CLOCK: variants seen among roughly 807,000 people sequenced by gnomAD.
CLOCK encodes circadian locomoter output cycles protein kaput.
A neutral mutation model predicts 118.4 loss-of-function variants in CLOCK; 43 were observed. That is an observed-to-expected ratio of 0.36 (90% CI 0.28 to 0.47). The LOEUF (loss-of-function observed/expected upper bound fraction) is 0.47, where lower values mean the gene tolerates loss of function less well. Among genes scored for constraint, CLOCK ranks in the 20% least tolerant of loss-of-function variants. CLOCK has a pLI of 1.00. For synonymous variants in CLOCK, 326 were observed against 339.2 expected, an observed-to-expected ratio of 0.96 and a Z score of 0.43; for missense variants, 846 against 999.9, an observed-to-expected ratio of 0.85 and a Z score of 2.08.
At chr4:55,449,541 T>A (rs770681108) in intron 16 of CLOCK, 45 bp from the exon 17 acceptor site, 2 of 1,472,634 alleles carry the variant, frequency 1.4e-6, no homozygotes, top group South Asian at 2.3e-5. Flanking sequence ...TTATAAAATA[T>A]AGTTTTTAAA....
chr4:55,523,151 T>A (rs1308625582), intron 1 of CLOCK, among the ~76,000 whole-genome samples: 1 of 139,072 alleles, frequency 7.2e-6, no homozygotes, highest in Non-Finnish European at 1.6e-5. Flanking sequence ...AAAAAAAAAA[T>A]TAGCTAGGCA....
intron 21 of CLOCK, among the ~76,000 whole-genome samples, 200 bp from the exon 22 acceptor site, chr4:55,438,737 A>G (rs1337730263): frequency 6.6e-6 from 1 of 152,254 alleles, no homozygotes; most frequent in Non-Finnish European, 1.5e-5. Flanking sequence ...ATACAGCAAG[A>G]TCAATGTGTA....
chr4:55,496,764 C>A (rs1399942248), intron 2 of CLOCK, among the ~76,000 whole-genome samples: 2 of 152,232 alleles, frequency 1.3e-5, no homozygotes, highest in East Asian at 3.9e-4. Context: ...CTTTACTGTA[C>A]ACAGACTCCT....
At chr4:55,470,878 G>A in intron 7 of CLOCK, 72 bp from the exon 8 acceptor site, 2 of 1,029,412 alleles carry the variant, frequency 1.9e-6, no homozygotes, top group Non-Finnish European at 3.0e-6. Flanking sequence ...AAAAATTTGA[G>A]ATAAATGACA....
intron 17 of CLOCK, 21 bp from the exon 18 acceptor site, chr4:55,448,889 A>C (rs781393693): frequency 1.9e-6 from 3 of 1,555,964 alleles, no homozygotes; most frequent in Admixed American, 3.3e-5. Flanking sequence ...ATAAAAAATA[A>C]CACTGAAGTG....
At chr4:55,465,782 T>C (rs1725692009) in intron 8 of CLOCK, among the ~76,000 whole-genome samples, 1 of 152,012 alleles carries the variant, frequency 6.6e-6, no homozygotes, top group Non-Finnish European at 1.5e-5. Flanking sequence ...AGAAACCTTG[T>C]CTCTACGAAA....
At position 55,458,949 on chromosome 4, in the gene CLOCK, A is replaced by G. The variant is rs1725108424; in HGVS notation, c.735T>C (p.Tyr245=). ...TAGCTACAAAACAAACTCTATCTTC[A>G]TAAGATGGCCTATGTGTGCGTTGTA... ...GTIQRTHRPS[Y]EDRVCFVATV... The change falls in exon 11 of 23, where the codon TAT becomes TAC. Residue 245 remains tyrosine, a synonymous_variant. Transcript: ENST00000513440. The G allele has an allele frequency of 1.9e-6, 3 of 1,613,870 alleles. No homozygotes were observed. Among genetic ancestry groups the G allele is most frequent in the African/African-American group, 1.3e-5 (1 of 74,934 alleles).
intron 11 of CLOCK, 28 bp downstream of exon 11, chr4:55,458,864 C>T: frequency 6.6e-7 from 1 of 1,519,108 alleles, no homozygotes; most frequent in Non-Finnish European, 9.1e-7. Context: ...ACTGAAATCC[C>T]CTTTGGGAAA....
intron 5 of CLOCK, 173 bp from the exon 6 acceptor site, chr4:55,479,136 GT>G (rs1726741830): frequency 2.0e-6 from 1 of 512,014 alleles, no homozygotes; most frequent in Admixed American, 3.8e-5. Context: ...TTTCAGCTCA[GT>G]TTATTACTAA....
chr4:55,438,402 C>T lies in CLOCK; in HGVS notation c.2241G>A (p.Gln747=), dbSNP rs1723067707. 1.2e-6 allele frequency: 2 copies of T among 1,613,814 alleles called. No homozygotes were observed. Among genetic ancestry groups the T allele is most frequent in the Admixed American group, 3.3e-5 (2 of 59,952 alleles). The change falls in exon 22 of 23, where the codon CAG becomes CAA. Residue 747 remains glutamine, a synonymous_variant. Transcript: ENST00000513440. ...AYPTFATQQQ[Q]SQTLSVTQQQ... is the part of the protein sequence containing the mutation. ...GCTGCGTTACTGACAATGTCTGTGA[C>T]TGTTGCTGTTGTGTAGCAAAAGTAG...
chr4:55,458,849 T>C, intron 11 of CLOCK, 43 bp downstream of exon 11: 2 of 1,397,236 alleles, frequency 1.4e-6, no homozygotes, highest in East Asian at 4.6e-5. Context: ...GCTCTCAGCA[T>C]ATGAACTGAA....
At chr4:55,502,883 C>A (rs1270721429) in intron 2 of CLOCK, among the ~76,000 whole-genome samples, 1 of 152,158 alleles carries the variant, frequency 6.6e-6, no homozygotes, top group Non-Finnish European at 1.5e-5. Flanking sequence ...AAATGGTCAA[C>A]AGGCATTTGA....
In CLOCK at chr4:55,482,676, T is replaced by C. The variant is rs906194411; in HGVS notation, c.47+63A>G. 4.5e-6 allele frequency: 5 copies of C among 1,108,674 alleles called. No individual in the cohort carries two copies. In the African/African-American group the frequency reaches 6.3e-5, roughly 14 times the overall value. The allele number at this position is 1,108,674 out of a possible 1,614,324, so 68.7% of individuals were successfully genotyped here. A position where few individuals can be genotyped will look rare whatever the true frequency, so the allele number is the denominator to read the frequency against. On this transcript the variant is annotated intron_variant, in intron 4 of 22. Coordinates refer to ENST00000513440, the MANE Select transcript of CLOCK (RefSeq NM_004898.4). ...CCTTCTATCAATTTCATATAGACCA[T>C]TATTCTAATAGTGCATTTTAAAATA...
chr4:55,451,282 C>G (rs1724425180), intron 15 of CLOCK, among the ~76,000 whole-genome samples: 1 of 152,142 alleles, frequency 6.6e-6, no homozygotes, highest in East Asian at 1.9e-4. Context: ...CAACACTCAT[C>G]TAAAATTTAA....
chr4:55,454,076 C>G (rs1325198404), intron 13 of CLOCK, among the ~76,000 whole-genome samples: 1 of 152,156 alleles, frequency 6.6e-6, no homozygotes, highest in Admixed American at 6.5e-5. Context: ...ACAATTAATA[C>G]TTAAGAATTC....
intron 1 of CLOCK, among the ~76,000 whole-genome samples, chr4:55,543,970 G>A (rs1260660800): frequency 6.6e-6 from 1 of 152,072 alleles, no homozygotes. Context: ...AATGCCCACA[G>A]CAACTGCAAT....
chr4:55,514,500 T>TCCC (rs34028624), intron 1 of CLOCK, among the ~76,000 whole-genome samples: 6 of 147,472 alleles, frequency 4.1e-5, no homozygotes, highest in African/African-American at 1.0e-4. Flanking sequence ...AACATTTTTA[T>TCCC]CCCCCCCCCA....
intron 21 of CLOCK, among the ~76,000 whole-genome samples, chr4:55,441,072 T>G (rs1178062545): frequency 1.3e-5 from 2 of 152,234 alleles, no homozygotes; most frequent in Non-Finnish European, 2.9e-5. Context: ...TTTATCTTTC[T>G]ATTGCTTTTA....
chr4:55,518,733 T>C (rs1267354737), intron 1 of CLOCK, among the ~76,000 whole-genome samples: 1 of 152,206 alleles, frequency 6.6e-6, no homozygotes, highest in Non-Finnish European at 1.5e-5. Context: ...AGATACTGCA[T>C]CTACTAGCAC....
Sources: allele counts gnomAD v4.1 joint callset (sites outside exome capture counted in the v4.1 genomes callset), GRCh38; gene constraint gnomAD v4.1.1; transcripts MANE v1.5; gene names NCBI Gene and HGNC (gene_info 2026-07-23, HGNC 2026-07-21).